DNAJC17: variants seen among roughly 807,000 people sequenced by gnomAD.
DNAJC17 encodes the protein DnaJ heat shock protein family (Hsp40) member C17.
Under a neutral mutation model 48.1 loss-of-function variants are expected in DNAJC17, and 35 were observed. The ratio of observed to expected loss-of-function variants is 0.73; its 90% CI spans 0.56 to 0.96. The LOEUF (loss-of-function observed/expected upper bound fraction) is 0.96. Ranked by LOEUF, DNAJC17 falls within the 50% of genes least tolerant of loss-of-function variation. The pLI is 0.00. For synonymous variants in DNAJC17, 117 were observed against 142.7 expected (o/e 0.82, Z 1.28); for missense variants, 355 against 377.1 (o/e 0.94, Z 0.48).
intron 4 of DNAJC17, among the ~76,000 whole-genome samples, chr15:40,778,777 C>T (rs188920188): frequency 2.8e-4 from 43 of 152,086 alleles, no homozygotes; most frequent in Admixed American, 1.8e-3. Context: ...TCTAAAAAAA[C>T]GGAACAAAAT....
At chr15:40,787,499 C>T (rs1443812931) in intron 1 of DNAJC17, among the ~76,000 whole-genome samples, 1 of 152,174 alleles carries the variant, frequency 6.6e-6, no homozygotes, top group African/African-American at 2.4e-5. Flanking sequence ...AACACCTCCT[C>T]TTAAAAAACC....
Position 40,796,339 on chromosome 15 carries a change from C to T in DNAJC17, c.78+11030G>A, listed in dbSNP as rs56950299. Among the ~76,000 whole-genome samples, 196 of 152,154 alleles carry T rather than the reference C, an allele frequency of 1.3e-3. 1 individual carries two copies. Among genetic ancestry groups the T allele is most frequent in the African/African-American group, 4.6e-3 (191 of 41,506 alleles). On this transcript the variant is annotated intron_variant, in intron 1 of 10. Transcript: ENST00000220496. Reference sequence around the variant, plus strand: ...TAAGGTGTAGTAGTGAGATCTACTTCGAAATAGCAGATAAGGGTGTGGGGC... The same window carrying T: ...TAAGGTGTAGTAGTGAGATCTACTTTGAAATAGCAGATAAGGGTGTGGGGC...
At chr15:40,781,302 C>G (rs928716520) in intron 1 of DNAJC17, among the ~76,000 whole-genome samples, 6 of 151,762 alleles carry the variant, frequency 4.0e-5, no homozygotes, top group African/African-American at 1.5e-4. Flanking sequence ...GAGTTCGAGA[C>G]CAGCCTCGCC....
Position 40,766,401 on chromosome 15 carries a change from A to C in DNAJC17, c.*1539T>G, listed in dbSNP as rs1215351443. ...CATTCTTCCTAATGCCTCCATGTCT[A>C]AACTGTGACTACTGCTTCCATTCCT... On this transcript the variant is annotated 3_prime_UTR_variant, in exon 11 of 11. Transcript: ENST00000220496. 1 of 152,450 alleles carries C rather than the reference A, an allele frequency of 6.6e-6. No individual in the cohort carries two copies. Among genetic ancestry groups the C allele is most frequent in the Admixed American group, 6.5e-5 (1 of 15,296 alleles). The allele number at this position is 152,450 out of a possible 1,614,324, so 9.4% of individuals were successfully genotyped here.
At chr15:40,768,471 G>A (rs1889020397) in intron 10 of DNAJC17, among the ~76,000 whole-genome samples, 1 of 152,208 alleles carries the variant, frequency 6.6e-6, no homozygotes, top group Non-Finnish European at 1.5e-5. Flanking sequence ...TGAGGAGCAG[G>A]GATGCACTTG....
intron 1 of DNAJC17, among the ~76,000 whole-genome samples, chr15:40,786,870 C>CT (rs1889657598): frequency 6.6e-6 from 1 of 152,252 alleles, no homozygotes; most frequent in Non-Finnish European, 1.5e-5. Flanking sequence ...AAAAACCTCA[C>CT]TGTCTACCAC....
In DNAJC17 at chr15:40,779,086, C is replaced by CT. The variant is rs763142543; in HGVS notation, c.295+136dup. The CT allele has an allele frequency of 4.6e-5, 38 of 819,366 alleles. No homozygotes were observed. In the African/African-American group the frequency reaches 6.4e-4, roughly 14 times the overall value. 50.8% of individuals were successfully genotyped at this position (819,366 alleles called of 1,614,324 possible). On this transcript the variant is annotated intron_variant, in intron 4 of 10. Transcript: ENST00000220496. ...TAAGAGTGTCTTTAGGAACCAACCTCTAAGAACAGCGTTTTGCCCAGAGCC... is the reference window on the plus strand; with the variant it reads ...TAAGAGTGTCTTTAGGAACCAACCTCTTAAGAACAGCGTTTTGCCCAGAGCC...
chr15:40,801,426 T>C (rs1434722094), intron 1 of DNAJC17, among the ~76,000 whole-genome samples: 1 of 152,154 alleles, frequency 6.6e-6, no homozygotes, highest in African/African-American at 2.4e-5. Flanking sequence ...AGGAAGAGCA[T>C]TCCTGGCAGA....
At chr15:40,776,376 C>G in intron 5 of DNAJC17, 84 bp from the exon 6 acceptor site, 1 of 1,498,326 alleles carries the variant, frequency 6.7e-7, no homozygotes, top group Non-Finnish European at 9.2e-7. Context: ...TTGGGAGCTT[C>G]CACCTGCAAG....
In DNAJC17 at chr15:40,776,954, G is replaced by A. The variant is rs956734843; in HGVS notation, c.296-327C>T. 15 of 245,912 alleles carry A rather than the reference G, an allele frequency of 6.1e-5. 1 individual carries two copies. The highest frequency in any genetic ancestry group is 2.0e-4 in the Admixed American group (4 of 20,270). The allele number at this position is 245,912 out of a possible 1,614,324, so 15.2% of individuals were successfully genotyped here. On this transcript the variant is annotated intron_variant, in intron 4 of 10. Transcript: ENST00000220496. The stretch of plus-strand genomic sequence containing the variant: ...CCATGTGTCAGGGGTGCCAATGGGC[G>A]GAGCTGCTGGGCTCGATTCCTGTGG...
At chr15:40,773,211 C>T (rs1194775597) in intron 10 of DNAJC17, among the ~76,000 whole-genome samples, 2 of 152,168 alleles carry the variant, frequency 1.3e-5, no homozygotes, top group Admixed American at 6.5e-5. Flanking sequence ...CCGCCCCCCT[C>T]GGCCTCCCAA....
At chr15:40,806,477 A>G (rs569614383) in intron 1 of DNAJC17, among the ~76,000 whole-genome samples, 87 of 152,166 alleles carry the variant, frequency 5.7e-4, no homozygotes, top group African/African-American at 2.0e-3. Flanking sequence ...TCGGCCTCCC[A>G]AAGTGCTGAG....
chr15:40,806,807 C>T lies in DNAJC17; in HGVS notation c.78+562G>A, dbSNP rs912816864. Among the ~76,000 whole-genome samples the T allele has an allele frequency of 2.6e-5, 4 of 152,326 alleles. No homozygotes were observed. In the East Asian group the frequency reaches 7.7e-4, roughly 29 times the overall value. On this transcript the variant is annotated intron_variant, in intron 1 of 10. Coordinates refer to ENST00000220496, the MANE Select transcript of DNAJC17 (RefSeq NM_018163.3). Reference sequence around the variant, plus strand: ...AACCTTCTGATCCTCCTGCTTTTAGCCCACTAACTAGCACATGCTGAGAAG... The same window carrying T: ...AACCTTCTGATCCTCCTGCTTTTAGTCCACTAACTAGCACATGCTGAGAAG...
chr15:40,780,018 A>G (rs1379428775), intron 1 of DNAJC17, 21 bp from the exon 2 acceptor site: 1 of 1,612,020 alleles, frequency 6.2e-7, no homozygotes, highest in Non-Finnish European at 8.5e-7. Context: ...CAGACAGAAG[A>G]CATGGCCATT....
At chr15:40,781,436 G>A (rs1019844038) in intron 1 of DNAJC17, among the ~76,000 whole-genome samples, 2 of 152,046 alleles carry the variant, frequency 1.3e-5, no homozygotes, top group African/African-American at 4.8e-5. Flanking sequence ...AGAGGCGGAG[G>A]TTGCAGTGAG....
At chr15:40,795,634 C>T (rs556600782) in intron 1 of DNAJC17, among the ~76,000 whole-genome samples, 3 of 152,270 alleles carry the variant, frequency 2.0e-5, no homozygotes, top group African/African-American at 7.2e-5. Flanking sequence ...TGGTGGCTCA[C>T]ACCTGTAATC....
chr15:40,789,903 CAAAAAAAAAAAA>C (rs71428311), intron 1 of DNAJC17, among the ~76,000 whole-genome samples: 12 of 20,018 alleles, frequency 6.0e-4, no homozygotes, highest in East Asian at 1.3e-3. Context: ...CAGACTGTCT[CAAAAAAAAAAAA>C]AAAAAAAAAA....
intron 1 of DNAJC17, among the ~76,000 whole-genome samples, chr15:40,783,744 T>C (rs1006567324): frequency 2.6e-5 from 4 of 151,902 alleles, no homozygotes; most frequent in Admixed American, 2.6e-4. Flanking sequence ...ATGCTTGTAA[T>C]CTCAGCTATG....
intron 1 of DNAJC17, among the ~76,000 whole-genome samples, chr15:40,789,824 T>C (rs1358000009): frequency 2.2e-5 from 3 of 136,286 alleles, no homozygotes; most frequent in Non-Finnish European, 4.5e-5. Flanking sequence ...GAGAATGGCG[T>C]GAACCCGGGA....
Sources: gnomAD v4.1 joint callset for allele counts (sites outside exome capture counted in the v4.1 genomes callset) on GRCh38, gnomAD v4.1.1 for gene constraint, MANE v1.5 for transcripts, NCBI Gene and HGNC (gene_info 2026-07-23, HGNC 2026-07-21) for gene names.